Variants in JARID2 observed in about 807,000 individuals in gnomAD.
JARID2 encodes the protein jumonji and AT-rich interaction domain containing 2.
JARID2 carries 21 observed loss-of-function variants against 125.6 expected under a neutral mutation model. The observed-to-expected ratio is 0.17, with a 90% CI of 0.12 to 0.24. JARID2 has a LOEUF of 0.24. Ranked by LOEUF, JARID2 falls within the 10% of genes least tolerant of loss-of-function variation. The probability of loss-of-function intolerance (pLI) is 1.00; values close to 1 mark genes in which losing one functional copy is unlikely to be tolerated. For missense variants in JARID2, 1,303 were observed against 1,639.6 expected (o/e 0.79, Z 3.55); for synonymous variants, 736 against 661.6 (o/e 1.11, Z -1.73).
At chr6:15,513,127 C>T in intron 15 of JARID2, 82 bp downstream of exon 15, 2 of 1,598,010 alleles carry the variant, frequency 1.3e-6, no homozygotes, top group Non-Finnish European at 1.7e-6. Flanking sequence ...GCCTCACTTC[C>T]TGACAGGAGG....
chr6:15,319,964 A>C (rs958461159), intron 1 of JARID2, among the ~76,000 whole-genome samples: 8 of 152,222 alleles, frequency 5.3e-5, no homozygotes, highest in African/African-American at 1.9e-4. Flanking sequence ...GGAGCTAAGC[A>C]CTGAGATATT....
chr6:15,380,926 A>G (rs1581480091), intron 2 of JARID2, among the ~76,000 whole-genome samples: 1 of 112,264 alleles, frequency 8.9e-6, no homozygotes, highest in Non-Finnish European at 2.0e-5. Context: ...GTATAAAGTG[A>G]CCTTCCTCTA....
intron 5 of JARID2, among the ~76,000 whole-genome samples, chr6:15,472,224 T>A (rs1025148782): frequency 6.6e-6 from 1 of 152,060 alleles, no homozygotes. Context: ...TACTGCTGTT[T>A]CTGAGTTGTG....
At chr6:15,302,070 C>G (rs566400045) in intron 1 of JARID2, among the ~76,000 whole-genome samples, 4 of 152,230 alleles carry the variant, frequency 2.6e-5, no homozygotes, top group African/African-American at 7.2e-5. Flanking sequence ...TTCCTGATCT[C>G]AAGTCTTCAT....
At chr6:15,450,945 C>A (rs1767895028) in intron 3 of JARID2, among the ~76,000 whole-genome samples, 1 of 152,104 alleles carries the variant, frequency 6.6e-6, no homozygotes, top group Non-Finnish European at 1.5e-5. Flanking sequence ...GGTGGATCAC[C>A]TGAGGTCAGG....
intron 2 of JARID2, among the ~76,000 whole-genome samples, chr6:15,404,519 GCACACACACACA>G (rs3138770): frequency 0.056 from 7,724 of 138,260 alleles, 248 homozygotes; most frequent in South Asian, 0.098. Context: ...ATCTTAAAGT[GCACACACACACA>G]CACACACACA....
Position 15,429,558 on chromosome 6 carries a change from C to T in JARID2, c.323+19193C>T, listed in dbSNP as rs569173103. On this transcript the variant is annotated intron_variant, in intron 3 of 17. Transcript: ENST00000341776. ...TGCTGAGATTACAGACCTGAGCCAC[C>T]GCACTCCACTGAAAAGGAAACATTT... 9.2e-5 allele frequency among the ~76,000 whole-genome samples: 14 copies of T among 152,142 alleles called. No homozygotes were observed. In the East Asian group the frequency reaches 1.2e-3, roughly 13 times the overall value.
intron 1 of JARID2, among the ~76,000 whole-genome samples, chr6:15,321,232 CCTT>C (rs1048557582): frequency 3.9e-5 from 6 of 152,072 alleles, no homozygotes; most frequent in African/African-American, 4.8e-5. Flanking sequence ...TAATCATACA[CCTT>C]CTTGTGGGGA....
intron 1 of JARID2, among the ~76,000 whole-genome samples, chr6:15,265,903 A>T (rs559160741): frequency 6.6e-6 from 1 of 152,244 alleles, no homozygotes; most frequent in South Asian, 2.1e-4. Flanking sequence ...ACTGGAGGGC[A>T]TGGGCGGTGG....
At chr6:15,365,721 G>A (rs1263183806) in intron 1 of JARID2, among the ~76,000 whole-genome samples, 5 of 151,802 alleles carry the variant, frequency 3.3e-5, no homozygotes, top group Admixed American at 1.3e-4. Flanking sequence ...TTTTCAGGCC[G>A]TTTACCCTAA....
At chr6:15,368,662 C>G in intron 1 of JARID2, 1 of 486,542 alleles carries the variant, frequency 2.1e-6, no homozygotes, top group South Asian at 1.5e-5. Context: ...TACTTAGTGC[C>G]ATACCTTTTT....
intron 3 of JARID2, 24 bp downstream of exon 3, chr6:15,410,389 T>C (rs375510968): frequency 1.2e-5 from 20 of 1,609,868 alleles, no homozygotes; most frequent in Non-Finnish European, 1.6e-5. Flanking sequence ...GCTGAAAATA[T>C]TGGTACCTTC....
chr6:15,470,003 C>T (rs1768992868), intron 5 of JARID2, among the ~76,000 whole-genome samples: 1 of 151,880 alleles, frequency 6.6e-6, no homozygotes, highest in Non-Finnish European at 1.5e-5. Flanking sequence ...ATGGTGAAAC[C>T]CCGTCTCTAC....
At chr6:15,366,167 A>T (rs916627420) in intron 1 of JARID2, among the ~76,000 whole-genome samples, 1 of 152,104 alleles carries the variant, frequency 6.6e-6, no homozygotes, top group Admixed American at 6.5e-5. Flanking sequence ...GGCAGCCACA[A>T]GTTGTTTCAA....
At chr6:15,501,449 G>A in intron 8 of JARID2, 40 bp downstream of exon 8, 4 of 1,507,878 alleles carry the variant, frequency 2.7e-6, no homozygotes, top group Non-Finnish European at 3.5e-6. Context: ...AGCTGCAGGA[G>A]TGCGGGAGGA....
At chr6:15,250,414 A>G (rs182567842) in intron 1 of JARID2, among the ~76,000 whole-genome samples, 5 of 152,124 alleles carry the variant, frequency 3.3e-5, no homozygotes, top group Admixed American at 1.3e-4. Context: ...ACGTTATTTT[A>G]TTGCTGTATT....
intron 6 of JARID2, among the ~76,000 whole-genome samples, chr6:15,489,929 C>G (rs1423687295): frequency 6.6e-6 from 1 of 152,208 alleles, no homozygotes; most frequent in East Asian, 1.9e-4. Flanking sequence ...ATGGGTTGAC[C>G]CATGGCTCCA....
intron 1 of JARID2, among the ~76,000 whole-genome samples, chr6:15,330,269 T>A (rs1400368531): frequency 6.6e-6 from 1 of 152,210 alleles, no homozygotes; most frequent in African/African-American, 2.4e-5. Context: ...GTTTTAATTA[T>A]TTTCTACTTG....
In JARID2 at chr6:15,246,162, C is replaced by T. The variant is rs1759177956; in HGVS notation, c.-378C>T. 2.4e-6 allele frequency: 1 copy of T among 425,380 alleles called. No individual in the cohort carries two copies. The highest frequency in any genetic ancestry group is 4.1e-6 in the Non-Finnish European group (1 of 242,928). The allele number at this position is 425,380 out of a possible 1,614,324, so 26.4% of individuals were successfully genotyped here. On this transcript the variant is annotated 5_prime_UTR_variant, in exon 1 of 18. Transcript: ENST00000341776. The stretch of plus-strand genomic sequence containing the variant: ...TTCCCTTTTCTTTTCCAAGATGTAA[C>T]TACGGATCAGACACTAAGGACCTTC...
Sources: allele counts gnomAD v4.1 joint callset (sites outside exome capture counted in the v4.1 genomes callset), GRCh38; gene constraint gnomAD v4.1.1; transcripts MANE v1.5; gene names NCBI Gene and HGNC (gene_info 2026-07-23, HGNC 2026-07-21).